The following HECW2 variants were observed in gnomAD, a reference collection of about 807,000 sequenced individuals.
HECW2 encodes the protein HECT, C2 and WW domain containing E3 ubiquitin protein ligase 2.
In HECW2, 61 loss-of-function variants were observed where a neutral mutation model predicts 175.2. That is an observed-to-expected ratio of 0.35 (90% CI 0.28 to 0.43). The LOEUF is 0.43. HECW2 is among the 20% of genes least tolerant of loss of function. The pLI, the probability that HECW2 is intolerant of heterozygous loss-of-function variation, is 1.00. For missense variants in HECW2, 1,524 were observed against 2,000.5 expected (o/e 0.76, Z 4.54); for synonymous variants, 671 against 731.0 (o/e 0.92, Z 1.32).
At chr2:196,490,205 G>A (rs1399750039) in intron 1 of HECW2, among the ~76,000 whole-genome samples, 2 of 152,116 alleles carry the variant, frequency 1.3e-5, no homozygotes, top group Non-Finnish European at 2.9e-5. Context: ...AACTACACTT[G>A]ATAAGCTCTG....
intron 14 of HECW2, among the ~76,000 whole-genome samples, chr2:196,287,033 G>A (rs903971074): frequency 6.6e-6 from 1 of 152,188 alleles, no homozygotes; most frequent in African/African-American, 2.4e-5. Flanking sequence ...GGCTATTAGG[G>A]TCTGGTAAAA....
intron 13 of HECW2, among the ~76,000 whole-genome samples, chr2:196,294,115 C>T (rs1422779184): frequency 2.6e-5 from 4 of 152,262 alleles, no homozygotes; most frequent in Non-Finnish European, 5.9e-5. Flanking sequence ...TACCACCACA[C>T]AGAAAAGTGA....
chr2:196,548,597 G>A (rs963808626), intron 1 of HECW2, among the ~76,000 whole-genome samples: 3 of 152,176 alleles, frequency 2.0e-5, no homozygotes, highest in African/African-American at 7.2e-5. Flanking sequence ...ACAGGTCATT[G>A]TAATAAGTAA....
chr2:196,577,774 C>T (rs1290789953), intron 1 of HECW2, among the ~76,000 whole-genome samples: 1 of 152,292 alleles, frequency 6.6e-6, no homozygotes, highest in Non-Finnish European at 1.5e-5. Context: ...TCTCTTTCAA[C>T]CATCAGCTGA....
intron 1 of HECW2, among the ~76,000 whole-genome samples, chr2:196,532,843 GAGA>G (rs1329591549): frequency 6.6e-6 from 1 of 152,084 alleles, no homozygotes; most frequent in Non-Finnish European, 1.5e-5. Flanking sequence ...GGGAAAAGAG[GAGA>G]AGGAGGAGGG....
At chr2:196,322,912 T>A (rs1692001563) in intron 6 of HECW2, among the ~76,000 whole-genome samples, 1 of 152,258 alleles carries the variant, frequency 6.6e-6, no homozygotes, top group Non-Finnish European at 1.5e-5. Flanking sequence ...TATTAAGTTA[T>A]GCACAATGCA....
intron 1 of HECW2, among the ~76,000 whole-genome samples, chr2:196,497,670 C>T (rs934913081): frequency 2.0e-5 from 3 of 152,186 alleles, no homozygotes; most frequent in African/African-American, 4.8e-5. Flanking sequence ...TTCCACAAGG[C>T]GTGTCATAGA....
chr2:196,531,693 T>G (rs941934053), intron 1 of HECW2, among the ~76,000 whole-genome samples: 1 of 151,740 alleles, frequency 6.6e-6, no homozygotes, highest in Non-Finnish European at 1.5e-5. Flanking sequence ...GTTTTCAGGA[T>G]GAGACCAAGC....
chr2:196,587,532 A>G (rs1179406524), intron 1 of HECW2, among the ~76,000 whole-genome samples: 1 of 152,208 alleles, frequency 6.6e-6, no homozygotes, highest in Non-Finnish European at 1.5e-5. Context: ...CATTTACAGT[A>G]CTATTTTCAT....
chr2:196,548,482 G>C, intron 1 of HECW2, among the ~76,000 whole-genome samples: 1 of 152,132 alleles, frequency 6.6e-6, no homozygotes. Context: ...TGGATGACTT[G>C]AGGATAAACT....
chr2:196,323,915 G>GTTTTTTTTTTTTTTTTT lies in HECW2; in HGVS notation c.741+1064_741+1065insAAAAAAAAAAAAAAAAA, dbSNP rs1160140452. Among the ~76,000 whole-genome samples, 8 of 68,812 alleles carry GTTTTTTTTTTTTTTTTT rather than the reference G, an allele frequency of 1.2e-4. 1 individual carries two copies. Among genetic ancestry groups the GTTTTTTTTTTTTTTTTT allele is most frequent in the Admixed American group, 2.1e-4 (1 of 4,842 alleles). 45.1% of individuals were successfully genotyped at this position (68,812 alleles called of 152,430 possible). On this transcript the variant is annotated intron_variant, in intron 6 of 28. Coordinates refer to ENST00000644978, the MANE Select transcript of HECW2 (RefSeq NM_001348768.2). ...CCCTTAAGAGTTTTTTTTGTTTTTTGTTTGTTTTTTTTTTTTTTTTTTACC... is the reference window on the plus strand; with the variant it reads ...CCCTTAAGAGTTTTTTTTGTTTTTTGTTTTTTTTTTTTTTTTTTTTGTTTTTTTTTTTTTTTTTTACC...
intron 2 of HECW2, among the ~76,000 whole-genome samples, chr2:196,394,362 T>C (rs1210732533): frequency 3.9e-5 from 6 of 152,312 alleles, no homozygotes; most frequent in South Asian, 2.1e-4. Context: ...AATGTAAAGA[T>C]AGACCAGAAT....
chr2:196,418,076 T>C (rs1406621443), intron 2 of HECW2, among the ~76,000 whole-genome samples: 1 of 152,180 alleles, frequency 6.6e-6, no homozygotes, highest in African/African-American at 2.4e-5. Context: ...CTTAGTGCTA[T>C]AAATATAGTC....
chr2:196,227,335 T>C (rs2105837309), intron 22 of HECW2, among the ~76,000 whole-genome samples: 1 of 152,290 alleles, frequency 6.6e-6, no homozygotes, highest in East Asian at 1.9e-4. Context: ...ATACAAATAT[T>C]TGAAGTGTAT....
chr2:196,261,418 C>T (rs1689287620), intron 17 of HECW2, among the ~76,000 whole-genome samples: 1 of 152,126 alleles, frequency 6.6e-6, no homozygotes, highest in South Asian at 2.1e-4. Context: ...TATGTTTTAT[C>T]CTTCAGTATT....
At chr2:196,353,108 C>T (rs565230646) in intron 2 of HECW2, among the ~76,000 whole-genome samples, 5 of 152,266 alleles carry the variant, frequency 3.3e-5, no homozygotes, top group Admixed American at 2.6e-4. Flanking sequence ...CCGCCTCGCT[C>T]CTTACCCCCT....
At chr2:196,433,017 TATGTGTATATGTGC>T in intron 2 of HECW2, 101 bp downstream of exon 2, 1 of 842,580 alleles carries the variant, frequency 1.2e-6, no homozygotes, top group Non-Finnish European at 1.8e-6. Flanking sequence ...CAGAATCTGC[TATGTGTATATGTGC>T]ATGTGAATTT....
chr2:196,233,398 T>A (rs1688128971), intron 21 of HECW2, among the ~76,000 whole-genome samples: 1 of 152,150 alleles, frequency 6.6e-6, no homozygotes, highest in Non-Finnish European at 1.5e-5. Context: ...TTTGTTAAAA[T>A]AACAAATTTT....
chr2:196,569,300 C>T (rs1285851120), intron 1 of HECW2, among the ~76,000 whole-genome samples: 1 of 151,982 alleles, frequency 6.6e-6, no homozygotes, highest in Non-Finnish European at 1.5e-5. Context: ...TATGATTGTG[C>T]CACTGCACTC....
Sources: allele counts gnomAD v4.1 joint callset (sites outside exome capture counted in the v4.1 genomes callset), GRCh38; gene constraint gnomAD v4.1.1; transcripts MANE v1.5; gene names NCBI Gene and HGNC (gene_info 2026-07-23, HGNC 2026-07-21).